CD28: variants seen among roughly 807,000 people sequenced by gnomAD.
CD28 encodes the protein CD28 molecule, also known as T-cell-specific surface glycoprotein CD28.
CD28 carries 8 observed loss-of-function variants against 21.4 expected under a neutral mutation model. The ratio of observed to expected loss-of-function variants is 0.37; its 90% CI spans 0.22 to 0.68. CD28 has a LOEUF of 0.68. Among genes scored for constraint, CD28 ranks in the 30% least tolerant of loss-of-function variants. The probability of loss-of-function intolerance (pLI) is 0.55; values close to 1 mark genes in which losing one functional copy is unlikely to be tolerated. For missense variants in CD28, 239 were observed against 272.2 expected (o/e 0.88, Z 0.86); for synonymous variants, 106 against 104.0 (o/e 1.02, Z -0.12).
chr2:203,726,973 C>T lies in CD28; in HGVS notation c.393C>T (p.Thr131=). ...TAGACAATGAGAAGAGCAATGGAACCATTATCCATGTGAAAGGTAACATAC... is the reference window on the plus strand; with the variant it reads ...TAGACAATGAGAAGAGCAATGGAACTATTATCCATGTGAAAGGTAACATAC... ...PYLDNEKSNG[T]IIHVKGKHLC... is the part of the protein sequence containing the mutation. Residue 131 remains threonine (T), a synonymous_variant, in exon 2 of 4, where the codon ACC becomes ACT. Coordinates refer to ENST00000324106, the MANE Select transcript of CD28 (RefSeq NM_006139.4). 6.3e-7 allele frequency: 1 copy of T among 1,589,928 alleles called. No individual in the cohort carries two copies. The highest frequency in any genetic ancestry group is 1.1e-5 in the South Asian group (1 of 90,488).
At chr2:203,712,208 A>AAG (rs397768869) in intron 1 of CD28, among the ~76,000 whole-genome samples, 1 of 151,810 alleles carries the variant, frequency 6.6e-6, no homozygotes, top group Non-Finnish European at 1.5e-5. Flanking sequence ...AACAAAAAAA[A>AAG]GAAATATAAA....
chr2:203,728,843 A>G (rs1231736142), intron 2 of CD28, among the ~76,000 whole-genome samples: 4 of 152,184 alleles, frequency 2.6e-5, no homozygotes, highest in Non-Finnish European at 4.4e-5. Flanking sequence ...AAGGACACCA[A>G]TGATCCTGTA....
intron 2 of CD28, 26 bp downstream of exon 2, chr2:203,727,015 C>T: frequency 2.2e-6 from 3 of 1,377,198 alleles, no homozygotes; most frequent in Non-Finnish European, 3.1e-6. Flanking sequence ...ACCAGTGTAC[C>T]ACCCTAAAGT....
At position 203,726,625 on chromosome 2, in the gene CD28, T is replaced by C. The variant is rs199660887; in HGVS notation, c.53-8T>C. 323 of 1,587,354 alleles carry C rather than the reference T, an allele frequency of 2.0e-4. No individual in the cohort carries two copies. The highest frequency in any genetic ancestry group is 3.1e-4 in the African/African-American group (23 of 73,546). On this transcript the variant is annotated splice_region_variant and splice_polypyrimidine_tract_variant and intron_variant, in intron 1 of 3. Transcript: ENST00000324106. Reference sequence around the variant, plus strand: ...TTGTTCTAAGCAAATGATTTTTTTTTCCCCCAGGAAACAAGATTTTGGTGA... The same window carrying C: ...TTGTTCTAAGCAAATGATTTTTTTTCCCCCCAGGAAACAAGATTTTGGTGA...
intron 1 of CD28, among the ~76,000 whole-genome samples, chr2:203,724,811 CA>C (rs1418100277): frequency 6.6e-6 from 1 of 152,180 alleles, no homozygotes; most frequent in East Asian, 1.9e-4. Flanking sequence ...TTGTAAATTT[CA>C]TTTAAAAATG....
In CD28 at chr2:203,726,921, T is replaced by C. The variant is rs1222927194; in HGVS notation, c.341T>C (p.Ile114Thr). The part of the protein sequence containing the change: ...VNQTDIYFCK[I>T]EVMYPPPYLD... ...CAAACAGATATTTACTTCTGCAAAA[T>C]TGAAGTTATGTATCCTCCTCCTTAC... Residue 114 changes from isoleucine (I) to threonine (T), a missense_variant, in exon 2 of 4, where the codon ATT (isoleucine) becomes ACT (threonine). By Grantham distance (89) the Ile-to-Thr change is moderately conservative (BLOSUM62 -1). Transcript: ENST00000324106. 6.2e-7 allele frequency: 1 copy of C among 1,613,662 alleles called. No homozygotes were observed. Among genetic ancestry groups the C allele is most frequent in the Non-Finnish European group, 8.5e-7 (1 of 1,179,596 alleles).
rs568664041 is a variant in CD28 at position 203,721,211 on chromosome 2, C to T, written c.53-5422C>T. ...GACAAAGAAGAGGGAGGAAAGTAAA[C>T]ATGAGCAATAAATTGGATGGCTTTT... On this transcript the variant is annotated intron_variant, in intron 1 of 3. Coordinates refer to ENST00000324106, the MANE Select transcript of CD28 (RefSeq NM_006139.4). Among the ~76,000 whole-genome samples, 65 of 152,310 alleles carry T rather than the reference C, an allele frequency of 4.3e-4. 1 individual carries two copies. Among genetic ancestry groups the T allele is most frequent in the African/African-American group, 1.1e-3 (46 of 41,572 alleles).
chr2:203,729,788 C>T lies in CD28; in HGVS notation c.534+16C>T, dbSNP rs1693841370. The T allele has an allele frequency of 1.2e-6, 2 of 1,610,096 alleles. No individual in the cohort carries two copies. Among genetic ancestry groups the T allele is most frequent in the South Asian group, 1.1e-5 (1 of 90,072 alleles). ...TATTTTCTGGGTAAGAGAAGCAGCA[C>T]TGCTTTTATGTAACTTTTCCACTGC... is the stretch of plus-strand genomic sequence containing the variant. On this transcript the variant is annotated intron_variant, in intron 3 of 3. Transcript: ENST00000324106.
At chr2:203,716,622 T>C (rs889016487) in intron 1 of CD28, among the ~76,000 whole-genome samples, 4 of 152,226 alleles carry the variant, frequency 2.6e-5, no homozygotes, top group South Asian at 2.1e-4. Flanking sequence ...CAAAAATGAA[T>C]GCCTTAGGTC....
At chr2:203,711,488 T>A (rs1404682442) in intron 1 of CD28, among the ~76,000 whole-genome samples, 2 of 152,230 alleles carry the variant, frequency 1.3e-5, no homozygotes, top group African/African-American at 4.8e-5. Flanking sequence ...GAGAAGTTCT[T>A]ACTTAACTTT....
intron 3 of CD28, among the ~76,000 whole-genome samples, chr2:203,733,456 G>C (rs896788397): frequency 6.6e-6 from 1 of 152,130 alleles, no homozygotes; most frequent in Admixed American, 6.5e-5. Context: ...GAAATCTTGA[G>C]TTTTATTTTA....
intron 1 of CD28, among the ~76,000 whole-genome samples, chr2:203,715,954 C>T (rs113242041): frequency 6.8e-4 from 103 of 152,230 alleles, no homozygotes; most frequent in African/African-American, 2.2e-3. Flanking sequence ...TTGGTCTCTG[C>T]CTCAGTTCTT....
intron 1 of CD28, among the ~76,000 whole-genome samples, chr2:203,707,952 A>G (rs1328762208): frequency 6.6e-6 from 1 of 152,206 alleles, no homozygotes; most frequent in South Asian, 2.1e-4. Context: ...TGCTCATTCA[A>G]CGTGTTCTCA....
rs202063928 is a variant in CD28 at position 203,729,702 on chromosome 2, T to C, written c.464T>C (p.Val155Ala). The C allele has an allele frequency of 1.2e-6, 2 of 1,613,950 alleles. No homozygotes were observed. The highest frequency in any genetic ancestry group is 1.7e-6 in the Non-Finnish European group (2 of 1,179,954). The change falls in exon 3 of 4, where the codon GTG (valine) becomes GCG (alanine). Residue 155 changes from valine (V) to alanine (A), a missense_variant. Transcript: ENST00000324106. ...CCCGGACCTTCTAAGCCCTTTTGGG[T>C]GCTGGTGGTGGTTGGTGGAGTCCTG... Reference protein sequence around the residue: ...LFPGPSKPFWVLVVVGGVLAC... With the variant: ...LFPGPSKPFWALVVVGGVLAC...
chr2:203,726,658 G>C lies in CD28; in HGVS notation c.78G>C (p.Ser26=), dbSNP rs199844145. Residue 26 remains serine (S), a synonymous_variant, in exon 2 of 4, where the codon TCG becomes TCC. Coordinates refer to ENST00000324106, the MANE Select transcript of CD28 (RefSeq NM_006139.4). ...GAAACAAGATTTTGGTGAAGCAGTC[G>C]CCCATGCTTGTAGCGTACGACAATG... ...VTGNKILVKQ[S]PMLVAYDNAV... is the part of the protein sequence containing the mutation. The C allele has an allele frequency of 6.2e-7, 1 of 1,608,116 alleles. No homozygotes were observed. The highest frequency in any genetic ancestry group is 8.5e-7 in the Non-Finnish European group (1 of 1,175,884).
Position 203,737,663 on chromosome 2 carries a change from T to C in CD28, c.*2751T>C, listed in dbSNP as rs1259599263. The C allele has an allele frequency of 6.6e-6, 1 of 152,606 alleles. No homozygotes were observed. The highest frequency in any genetic ancestry group is 2.4e-5 in the African/African-American group (1 of 41,440). 9.5% of individuals were successfully genotyped at this position (152,606 alleles called of 1,614,324 possible). Reference sequence around the variant, plus strand: ...TTCATAGTTTCAGATATGGTAGTTATGAAGAAAACAATGTCATTTGCTGCT... The same window carrying C: ...TTCATAGTTTCAGATATGGTAGTTACGAAGAAAACAATGTCATTTGCTGCT... On this transcript the variant is annotated 3_prime_UTR_variant, in exon 4 of 4. Transcript: ENST00000324106.
chr2:203,720,409 G>A (rs975170536), intron 1 of CD28, among the ~76,000 whole-genome samples: 7 of 152,212 alleles, frequency 4.6e-5, no homozygotes, highest in Admixed American at 2.0e-4. Flanking sequence ...TTTTAACCTA[G>A]TAGGTTTGAC....
chr2:203,734,261 C>T (rs1254300194), intron 3 of CD28, among the ~76,000 whole-genome samples: 6 of 152,152 alleles, frequency 3.9e-5, no homozygotes, highest in African/African-American at 1.4e-4. Context: ...TGTAGAAATA[C>T]ATACCCATAA....
intron 3 of CD28, among the ~76,000 whole-genome samples, chr2:203,730,939 C>T (rs999556996): frequency 2.6e-5 from 4 of 152,224 alleles, no homozygotes; most frequent in African/African-American, 9.6e-5. Flanking sequence ...ACAGCCATGC[C>T]TTCCTATTAT....
Sources: allele counts gnomAD v4.1 joint callset (sites outside exome capture counted in the v4.1 genomes callset), GRCh38; gene constraint gnomAD v4.1.1; transcripts MANE v1.5; gene names NCBI Gene and HGNC (gene_info 2026-07-23, HGNC 2026-07-21).